The following SNX29 variants were observed in gnomAD, a reference collection of about 807,000 sequenced individuals.
The protein encoded by SNX29 is sorting nexin-29.
In SNX29, 78 loss-of-function variants were observed where a neutral mutation model predicts 102.1. The observed-to-expected ratio is 0.76, with a 90% CI of 0.64 to 0.92. The LOEUF (loss-of-function observed/expected upper bound fraction) is 0.92, where lower values mean the gene tolerates loss of function less well. Ranked by LOEUF, SNX29 falls within the 40% of genes least tolerant of loss-of-function variation. The pLI, the probability that SNX29 is intolerant of heterozygous loss-of-function variation, is 0.00. For synonymous variants in SNX29, 580 were observed against 414.5 expected, an observed-to-expected ratio of 1.40 and a Z score of -4.85; for missense variants, 1,280 against 1,061.7, an observed-to-expected ratio of 1.21 and a Z score of -2.86.
intron 14 of SNX29, among the ~76,000 whole-genome samples, chr16:12,272,767 C>A (rs1324167327): frequency 1.3e-5 from 2 of 152,214 alleles, no homozygotes; most frequent in Non-Finnish European, 2.9e-5. Flanking sequence ...TCAGAAGCCC[C>A]TCTTGGAAGC....
At chr16:12,076,075 T>G (rs2051551401) in intron 10 of SNX29, among the ~76,000 whole-genome samples, 1 of 152,198 alleles carries the variant, frequency 6.6e-6, no homozygotes, top group African/African-American at 2.4e-5. Context: ...CTGTCACCCC[T>G]TTCCTTGAAC....
At chr16:12,091,039 G>GA (rs769027308) in intron 11 of SNX29, among the ~76,000 whole-genome samples, 2 of 111,180 alleles carry the variant, frequency 1.8e-5, no homozygotes, top group African/African-American at 3.7e-5. Flanking sequence ...AAAAAAAAAA[G>GA]AAAGAAAAAG....
intron 14 of SNX29, among the ~76,000 whole-genome samples, chr16:12,256,813 C>G (rs1163161328): frequency 6.6e-6 from 1 of 152,172 alleles, no homozygotes; most frequent in Non-Finnish European, 1.5e-5. Flanking sequence ...ACTGATGGCT[C>G]TGCTTAGTTC....
intron 14 of SNX29, among the ~76,000 whole-genome samples, chr16:12,273,949 T>G (rs1052440335): frequency 1.3e-5 from 2 of 152,228 alleles, no homozygotes; most frequent in African/African-American, 2.4e-5. Context: ...AGTACAACCC[T>G]GCATGGCTAG....
At chr16:12,464,052 C>T (rs890828036) in intron 18 of SNX29, among the ~76,000 whole-genome samples, 1 of 152,038 alleles carries the variant, frequency 6.6e-6, no homozygotes, top group Non-Finnish European at 1.5e-5. Flanking sequence ...CGTCTGTTCT[C>T]TGCTTCTATG....
intron 11 of SNX29, among the ~76,000 whole-genome samples, chr16:12,099,281 G>C (rs1456136669): frequency 6.6e-6 from 1 of 152,140 alleles, no homozygotes; most frequent in Admixed American, 6.5e-5. Context: ...TAAACCCAGG[G>C]CCCTTGGTTC....
intron 14 of SNX29, among the ~76,000 whole-genome samples, chr16:12,276,849 T>G (rs150637506): frequency 2.1e-3 from 326 of 152,346 alleles, no homozygotes; most frequent in African/African-American, 7.7e-3. Flanking sequence ...CAGAGCCGTT[T>G]GTGTGCATGC....
At chr16:12,017,053 C>T (rs559979720) in intron 3 of SNX29, among the ~76,000 whole-genome samples, 25 of 151,918 alleles carry the variant, frequency 1.6e-4, no homozygotes, top group African/African-American at 5.1e-4. Flanking sequence ...CACTGGGACC[C>T]GGGAGGTCGA....
chr16:12,541,224 A>G (rs1003524191), intron 20 of SNX29, among the ~76,000 whole-genome samples: 2 of 152,232 alleles, frequency 1.3e-5, no homozygotes, highest in East Asian at 1.9e-4. Flanking sequence ...GCATGGAGAG[A>G]AGGACTATGG....
At chr16:12,179,304 C>T (rs758211883) in intron 13 of SNX29, among the ~76,000 whole-genome samples, 2 of 152,162 alleles carry the variant, frequency 1.3e-5, no homozygotes, top group East Asian at 1.9e-4. Context: ...GGCAACGTGG[C>T]GAAGCCCCAT....
chr16:12,450,817 G>A (rs2086269847), intron 18 of SNX29, among the ~76,000 whole-genome samples: 1 of 152,116 alleles, frequency 6.6e-6, no homozygotes, highest in Non-Finnish European at 1.5e-5. Flanking sequence ...GGGTCGATCA[G>A]GGACCATTTG....
intron 1 of SNX29, among the ~76,000 whole-genome samples, chr16:11,978,818 G>A (rs1239563488): frequency 6.6e-6 from 1 of 152,064 alleles, no homozygotes; most frequent in Non-Finnish European, 1.5e-5. Context: ...CCAGCTACTT[G>A]GGAGGCTGAG....
intron 14 of SNX29, among the ~76,000 whole-genome samples, chr16:12,202,803 C>T (rs2076945408): frequency 6.6e-6 from 1 of 152,378 alleles, no homozygotes; most frequent in African/African-American, 2.4e-5. Context: ...AAGTTGGCTT[C>T]CTGCCTGCAG....
At chr16:12,380,682 C>T (rs1257096388) in intron 16 of SNX29, among the ~76,000 whole-genome samples, 1 of 76,778 alleles carries the variant, frequency 1.3e-5, no homozygotes, top group Non-Finnish European at 3.1e-5. Flanking sequence ...TCCATCCATC[C>T]ACCATCCACC....
At chr16:12,304,862 T>G (rs1255998704) in intron 15 of SNX29, among the ~76,000 whole-genome samples, 1 of 152,258 alleles carries the variant, frequency 6.6e-6, no homozygotes. Context: ...TACGAGAACA[T>G]TCTGGAAAGC....
chr16:12,080,451 G>C (rs1325325655), intron 11 of SNX29, among the ~76,000 whole-genome samples: 1 of 152,188 alleles, frequency 6.6e-6, no homozygotes, highest in East Asian at 1.9e-4. Context: ...GACACAGGGT[G>C]GGTGAGTATG....
At chr16:12,265,697 C>T (rs916215317) in intron 14 of SNX29, among the ~76,000 whole-genome samples, 4 of 36,574 alleles carry the variant, frequency 1.1e-4, no homozygotes, top group Non-Finnish European at 1.4e-4. Flanking sequence ...CTCAACTCTA[C>T]CAAAAAAAAA....
Position 12,566,792 on chromosome 16 carries a change from G to A in SNX29, c.2319-1714G>A, listed in dbSNP as rs147113413. 6.3e-4 allele frequency among the ~76,000 whole-genome samples: 96 copies of A among 152,358 alleles called. 1 individual carries two copies. The highest frequency in any genetic ancestry group is 2.2e-3 in the African/African-American group (91 of 41,596). On this transcript the variant is annotated intron_variant, in intron 20 of 20. Transcript: ENST00000566228. ...GGAAAGCACAGCACACGCCAGGCTG[G>A]TTGGGCTCAGAGATGATTCAGAGCA... is the stretch of plus-strand genomic sequence containing the variant.
chr16:12,415,661 A>C (rs1206955308), intron 18 of SNX29, among the ~76,000 whole-genome samples: 2 of 151,752 alleles, frequency 1.3e-5, no homozygotes, highest in African/African-American at 4.8e-5. Flanking sequence ...GTTACCTCCC[A>C]CATCCAGGGG....
Sources: allele counts gnomAD v4.1 joint callset (sites outside exome capture counted in the v4.1 genomes callset), GRCh38; gene constraint gnomAD v4.1.1; transcripts MANE v1.5; gene names NCBI Gene and HGNC (gene_info 2026-07-23, HGNC 2026-07-21).